ANXA6: variants seen among roughly 807,000 people sequenced by gnomAD.
ANXA6 encodes annexin A6.
Under a neutral mutation model 95.4 loss-of-function variants are expected in ANXA6, and 71 were observed. The ratio of observed to expected loss-of-function variants is 0.74; its 90% CI spans 0.61 to 0.91. ANXA6 has a LOEUF of 0.91. Ranked by LOEUF, ANXA6 falls within the 40% of genes least tolerant of loss-of-function variation. The probability of loss-of-function intolerance (pLI) is 0.00; values close to 1 mark genes in which losing one functional copy is unlikely to be tolerated. For synonymous variants in ANXA6, 289 were observed against 315.9 expected (o/e 0.91, Z 0.90); for missense variants, 830 against 876.4 (o/e 0.95, Z 0.67).
In ANXA6 at chr5:151,134,639, T is replaced by C. The variant is rs148458155; in HGVS notation, c.490-156A>G. Among the ~76,000 whole-genome samples, 208 of 152,328 alleles carry C rather than the reference T, an allele frequency of 1.4e-3. 1 individual carries two copies. The highest frequency in any genetic ancestry group is 5.0e-3 in the African/African-American group (206 of 41,578). On this transcript the variant is annotated intron_variant, in intron 7 of 25. Coordinates refer to ENST00000354546, the MANE Select transcript of ANXA6 (RefSeq NM_001155.5). Reference sequence around the variant, plus strand: ...TATTGCATGAAGACCACAGTATCTATTTTGTGAGCCAATCAAAAGGGACCC... The same window carrying C: ...TATTGCATGAAGACCACAGTATCTACTTTGTGAGCCAATCAAAAGGGACCC...
Position 151,139,427 on chromosome 5 carries a change from G to A in ANXA6, c.130C>T (p.Leu44=), listed in dbSNP as rs2228458. The change falls in exon 4 of 26, where the codon CTG becomes TTG. Residue 44 remains leucine (L), a synonymous_variant. Coordinates refer to ENST00000354546, the MANE Select transcript of ANXA6 (RefSeq NM_001155.5). ...TTGCTCCGTGAGGTGATTATGTCCA[G>A]TATGGCCTCCTTGTCACTGCCTGGA... The part of the protein sequence containing the change: ...KGFGSDKEAI[L]DIITSRSNRQ... 403,739 of 1,611,358 alleles carry A rather than the reference G, an allele frequency of 0.25. 57,280 individuals carry two copies. The highest frequency in any genetic ancestry group is 0.51 in the East Asian group (22,876 of 44,828).
intron 13 of ANXA6, among the ~76,000 whole-genome samples, 200 bp downstream of exon 13, chr5:151,127,981 G>T (rs1246975990): frequency 1.3e-5 from 2 of 152,094 alleles, no homozygotes; most frequent in Non-Finnish European, 2.9e-5. Context: ...CCACGCTCAC[G>T]TTCAGACCCC....
intron 2 of ANXA6, among the ~76,000 whole-genome samples, chr5:151,142,604 C>T (rs1481325207): frequency 3.3e-5 from 5 of 152,176 alleles, no homozygotes; most frequent in Admixed American, 1.3e-4. Flanking sequence ...TGGAGACTGT[C>T]GTGAATAAGA....
chr5:151,140,165 T>C lies in ANXA6; in HGVS notation c.97A>G (p.Met33Val), dbSNP rs749728186. 1.9e-6 allele frequency: 3 copies of C among 1,613,946 alleles called. No individual in the cohort carries two copies. The highest frequency in any genetic ancestry group is 1.6e-4 in the Middle Eastern group (1 of 6,062). Residue 33 changes from methionine (M) to valine (V), a missense_variant, in exon 3 of 26, where the codon ATG becomes GTG. Met to Val is a conservative substitution (Grantham distance 21, BLOSUM62 1). Coordinates refer to ENST00000354546, the MANE Select transcript of ANXA6 (RefSeq NM_001155.5). Reference sequence around the variant, plus strand: ...GCCTGGCACCCACCAAAGCCCTTCATGGCAGTGTACAGAGCCTCGGCATCC... The same window carrying C: ...GCCTGGCACCCACCAAAGCCCTTCACGGCAGTGTACAGAGCCTCGGCATCC... ...NQDAEALYTA[M>V]KGFGSDKEAI...
chr5:151,108,384 G>T, intron 23 of ANXA6, 71 bp downstream of exon 23: 1 of 1,417,070 alleles, frequency 7.1e-7, no homozygotes, highest in Non-Finnish European at 1.0e-6. Context: ...GGCTGCCAAG[G>T]TTCTATTCTT....
At chr5:151,116,539 G>T (rs533417447) in intron 20 of ANXA6, among the ~76,000 whole-genome samples, 1 of 152,368 alleles carries the variant, frequency 6.6e-6, no homozygotes, top group East Asian at 1.9e-4. Context: ...CTGAGGCAGA[G>T]CAGCCAAGAG....
intron 18 of ANXA6, among the ~76,000 whole-genome samples, 161 bp downstream of exon 18, chr5:151,119,138 TC>T (rs1765088900): frequency 6.6e-6 from 1 of 152,100 alleles, no homozygotes; most frequent in African/African-American, 2.4e-5. Context: ...ACCTGTCTTT[TC>T]CCCAGACACA....
intron 8 of ANXA6, chr5:151,133,430 G>T: frequency 2.2e-6 from 1 of 445,092 alleles, no homozygotes; most frequent in South Asian, 3.1e-5. Flanking sequence ...AGATGGCATA[G>T]CCTACTACAC....
At chr5:151,139,881 G>A (rs932000099) in intron 3 of ANXA6, among the ~76,000 whole-genome samples, 2 of 152,182 alleles carry the variant, frequency 1.3e-5, no homozygotes. Flanking sequence ...TTATCAGGAG[G>A]GGGATCTACC....
intron 24 of ANXA6, 61 bp downstream of exon 24, chr5:151,105,184 T>G: frequency 1.4e-6 from 2 of 1,446,700 alleles, no homozygotes; most frequent in Non-Finnish European, 1.9e-6. Flanking sequence ...CACATCTGTG[T>G]GTTTGTGTGT....
chr5:151,112,505 C>A (rs768722324), intron 20 of ANXA6, among the ~76,000 whole-genome samples: 6 of 152,148 alleles, frequency 3.9e-5, no homozygotes, highest in Non-Finnish European at 7.4e-5. Flanking sequence ...GGATTATGGG[C>A]TGCTTCTGGT....
At chr5:151,128,654 CA>C (rs1202969651) in intron 12 of ANXA6, among the ~76,000 whole-genome samples, 5 of 151,922 alleles carry the variant, frequency 3.3e-5, no homozygotes, top group African/African-American at 1.2e-4. Context: ...TTGGGAAATG[CA>C]AAAAAATCAA....
At chr5:151,123,132 T>C (rs1205078092) in intron 15 of ANXA6, 121 bp from the exon 16 acceptor site, 2 of 846,770 alleles carry the variant, frequency 2.4e-6, no homozygotes. Flanking sequence ...TAAGCGGCCA[T>C]GTGCTCCTGA....
chr5:151,103,057 C>T (rs1422685632), intron 25 of ANXA6, among the ~76,000 whole-genome samples: 3 of 152,210 alleles, frequency 2.0e-5, no homozygotes, highest in Non-Finnish European at 4.4e-5. Flanking sequence ...AGTGCAGTGG[C>T]GTGATCTCAG....
At chr5:151,109,214 G>A (rs931509724) in intron 22 of ANXA6, among the ~76,000 whole-genome samples, 19 of 152,212 alleles carry the variant, frequency 1.2e-4, no homozygotes, top group Admixed American at 3.3e-4. Context: ...ACTGAGAAGT[G>A]CCAGACATTA....
At chr5:151,136,100 G>A (rs1435153157) in intron 7 of ANXA6, among the ~76,000 whole-genome samples, 156 bp downstream of exon 7, 1 of 152,134 alleles carries the variant, frequency 6.6e-6, no homozygotes, top group Non-Finnish European at 1.5e-5. Context: ...GGGCACGAGA[G>A]GACTGTGTGC....
chr5:151,104,606 G>T (rs1764643795), intron 24 of ANXA6, among the ~76,000 whole-genome samples: 1 of 152,222 alleles, frequency 6.6e-6, no homozygotes, highest in South Asian at 2.1e-4. Context: ...CTCAATGAAT[G>T]GCTGTCACAT....
chr5:151,114,505 T>C (rs1243448701), intron 20 of ANXA6, among the ~76,000 whole-genome samples: 1 of 150,910 alleles, frequency 6.6e-6, no homozygotes, highest in African/African-American at 2.4e-5. Context: ...TCCCAGCTAC[T>C]TGGGAGTCTG....
At chr5:151,108,687 G>T in intron 22 of ANXA6, 137 bp from the exon 23 acceptor site, 1 of 732,118 alleles carries the variant, frequency 1.4e-6, no homozygotes, top group South Asian at 1.6e-5. Context: ...CCACAGCCCA[G>T]GCCTAAATGC....
Sources: allele counts gnomAD v4.1 joint callset (sites outside exome capture counted in the v4.1 genomes callset), GRCh38; gene constraint gnomAD v4.1.1; transcripts MANE v1.5; gene names NCBI Gene and HGNC (gene_info 2026-07-23, HGNC 2026-07-21).